Variants in KIF5A observed in about 807,000 individuals in gnomAD.
KIF5A encodes the protein kinesin family member 5A, also known as kinesin heavy chain isoform 5A.
Under a neutral mutation model 141.3 loss-of-function variants are expected in KIF5A, and 35 were observed. The ratio of observed to expected loss-of-function variants is 0.25; its 90% CI spans 0.19 to 0.33. The LOEUF (loss-of-function observed/expected upper bound fraction) is 0.33. Ranked by LOEUF, KIF5A falls within the 10% of genes least tolerant of loss-of-function variation. The probability of loss-of-function intolerance (pLI) is 1.00; values close to 1 mark genes in which losing one functional copy is unlikely to be tolerated. For missense variants in KIF5A, 861 were observed against 1,314.3 expected, an observed-to-expected ratio of 0.66 and a Z score of 5.33; for synonymous variants, 448 against 500.2, an observed-to-expected ratio of 0.90 and a Z score of 1.39.
At position 57,575,722 on chromosome 12, in the gene KIF5A, C is replaced by T. The variant is rs1396694334; in HGVS notation, c.1988C>T (p.Ser663Phe). The change falls in exon 17 of 29, where the codon TCC becomes TTC. Residue 663 changes from serine to phenylalanine, a missense_variant. Coordinates refer to ENST00000455537, the MANE Select transcript of KIF5A (RefSeq NM_004984.4). ...CGGCACCTGGAAGAGTCCTATGACT[C>T]CTTGAGCGATGAGCTGGCCAAGCTC... ...KKRHLEESYD[S>F]LSDELAKLQA... 2 of 1,614,134 alleles carry T rather than the reference C, an allele frequency of 1.2e-6. No individual in the cohort carries two copies. The highest frequency in any genetic ancestry group is 1.3e-5 in the African/African-American group (1 of 75,038).
At chr12:57,560,014 C>T (rs1163774924) in intron 1 of KIF5A, among the ~76,000 whole-genome samples, 1 of 152,184 alleles carries the variant, frequency 6.6e-6, no homozygotes, top group East Asian at 1.9e-4. Context: ...GCCTCAGCCT[C>T]CCAAGTAGCT....
intron 15 of KIF5A, among the ~76,000 whole-genome samples, chr12:57,573,007 A>G (rs1882304995): frequency 6.6e-6 from 1 of 151,988 alleles, no homozygotes; most frequent in Admixed American, 6.5e-5. Context: ...CCTCGCCAAC[A>G]TGGCGAAACC....
chr12:57,582,643 C>T lies in KIF5A; in HGVS notation c.3020+14C>T. ...CAATGACAATAGGTACAACAGTCCC[C>T]ACTACCCCTGGGTTCTCTGGGTGGG... On this transcript the variant is annotated intron_variant, in intron 27 of 28. Transcript: ENST00000455537. 1 of 1,604,104 alleles carries T rather than the reference C, an allele frequency of 6.2e-7. No individual in the cohort carries two copies. Among genetic ancestry groups the T allele is most frequent in the South Asian group, 1.1e-5 (1 of 90,842 alleles).
Position 57,569,418 on chromosome 12 carries a change from TC to T in KIF5A, c.968+18del. The T allele has an allele frequency of 1.2e-6, 2 of 1,613,026 alleles. No homozygotes were observed. Among genetic ancestry groups the T allele is most frequent in the Non-Finnish European group, 1.7e-6 (2 of 1,179,818 alleles). ...GTTTGGGCAGCGGTCAGTGGCAGGG[TC>T]CCCAGAGGGATCCCTGGTACCCAGC... On this transcript the variant is annotated intron_variant, in intron 10 of 28. Transcript: ENST00000455537.
Position 57,560,604 on chromosome 12 carries a change from C to T in KIF5A, c.130-2835C>T, listed in dbSNP as rs117428475. ...GTTTCTTTTCTTGGAAAATGTTGAACATCTTCATGATTGCTGAACATTTAT... is the reference window on the plus strand; with the variant it reads ...GTTTCTTTTCTTGGAAAATGTTGAATATCTTCATGATTGCTGAACATTTAT... On this transcript the variant is annotated intron_variant, in intron 1 of 28. Coordinates refer to ENST00000455537, the MANE Select transcript of KIF5A (RefSeq NM_004984.4). Among the ~76,000 whole-genome samples, 1,136 of 152,278 alleles carry T rather than the reference C, an allele frequency of 7.5e-3. 9 individuals are homozygous for T. The highest frequency in any genetic ancestry group is 0.013 in the Non-Finnish European group (869 of 68,024).
At chr12:57,575,394 G>C in intron 16 of KIF5A, 122 bp downstream of exon 16, 2 of 1,219,666 alleles carry the variant, frequency 1.6e-6, no homozygotes, top group South Asian at 2.6e-5. Flanking sequence ...TGAAATCAAG[G>C]ACAGAAAAGC....
At chr12:57,579,651 A>G (rs1359357790) in intron 23 of KIF5A, among the ~76,000 whole-genome samples, 1 of 152,220 alleles carries the variant, frequency 6.6e-6, no homozygotes, top group Admixed American at 6.5e-5. Flanking sequence ...GTTGAAAGGC[A>G]GATAGGAAAC....
Position 57,567,042 on chromosome 12 carries a change from G to A in KIF5A, c.502-84G>A. ...GGCAGAGCGAGACTCCATCTCAAAAGAAAATAATAATAATAAAAATAAATA... is the reference window on the plus strand; with the variant it reads ...GGCAGAGCGAGACTCCATCTCAAAAAAAAATAATAATAATAAAAATAAATA... On this transcript the variant is annotated intron_variant, in intron 6 of 28. Transcript: ENST00000455537. 3 of 709,564 alleles carry A rather than the reference G, an allele frequency of 4.2e-6. No individual in the cohort carries two copies. In the South Asian group the frequency reaches 6.3e-5, roughly 15 times the overall value. 44.0% of individuals were successfully genotyped at this position (709,564 alleles called of 1,614,324 possible).
chr12:57,556,360 G>A (rs1292194888), intron 1 of KIF5A, among the ~76,000 whole-genome samples: 6 of 151,912 alleles, frequency 3.9e-5, no homozygotes, highest in Non-Finnish European at 5.9e-5. Flanking sequence ...GGATGGTCTC[G>A]ATCTCCTGAC....
rs376614388 is a variant in KIF5A, at chr12:57,578,094, T to C, written c.2433+14T>C. The C allele has an allele frequency of 5.6e-6, 9 of 1,611,544 alleles. No individual in the cohort carries two copies. In the African/African-American group the frequency reaches 9.3e-5, roughly 17 times the overall value. ...CGAGTCAAGAAAGTGAGTGCTGTCC[T>C]TGGGGTTTTGTCAGCCCCCACATCC... On this transcript the variant is annotated intron_variant, in intron 22 of 28. Coordinates refer to ENST00000455537, the MANE Select transcript of KIF5A (RefSeq NM_004984.4).
In KIF5A at chr12:57,564,901, GC is replaced by G. The variant is rs1338269741; in HGVS notation, c.446-16del. 2.5e-6 allele frequency: 4 copies of G among 1,613,538 alleles called. No individual in the cohort carries two copies. The Admixed American group carries it at 6.7e-5, about 27-fold the overall frequency. On this transcript the variant is annotated splice_polypyrimidine_tract_variant and intron_variant, in intron 5 of 28. Transcript: ENST00000455537. ...TGGAAGTACTAGTCTTGCTTACCCTGCATTCTTTTGATTCAGTGACCAAGAC... is the reference window on the plus strand; with the variant it reads ...TGGAAGTACTAGTCTTGCTTACCCTGATTCTTTTGATTCAGTGACCAAGAC...
At chr12:57,561,118 C>T (rs1172301239) in intron 1 of KIF5A, among the ~76,000 whole-genome samples, 1 of 152,150 alleles carries the variant, frequency 6.6e-6, no homozygotes, top group Non-Finnish European at 1.5e-5. Context: ...TGGCTCACTG[C>T]AACCTCTGCC....
intron 20 of KIF5A, among the ~76,000 whole-genome samples, chr12:57,577,412 T>C (rs956835988): frequency 3.3e-5 from 5 of 152,078 alleles, no homozygotes; most frequent in African/African-American, 9.7e-5. Context: ...CTGGGCAACA[T>C]GGCAAAACCC....
Position 57,575,673 on chromosome 12 carries a change from A to T in KIF5A, c.1939A>T (p.Met647Leu). The T allele has an allele frequency of 6.2e-7, 1 of 1,614,172 alleles. No individual in the cohort carries two copies. Among genetic ancestry groups the T allele is most frequent in the Non-Finnish European group, 8.5e-7 (1 of 1,180,018 alleles). The change falls in exon 17 of 29, where the codon ATG becomes TTG. Residue 647 changes from methionine to leucine, a missense_variant. By Grantham distance (15) the Met-to-Leu change is conservative. Transcript: ENST00000455537. ...CAAGATCCGCTCGCTTACGGAATAC[A>T]TGCAGAGCGTGGAGCTAAAGAAGCG... ...EAKIRSLTEY[M>L]QSVELKKRHL... is the part of the protein sequence containing the mutation.
At position 57,564,150 on chromosome 12, in the gene KIF5A, A is replaced by G. The variant is rs762474618; in HGVS notation, c.334A>G (p.Ile112Val). The part of the protein sequence containing the change: ...DPQLMGIIPR[I>V]ARDIFNHIYS... The stretch of plus-strand genomic sequence containing the variant: ...TCAGCTGATGGGAATCATTCCTCGA[A>G]TTGCCCGAGACATCTTCAACCACAT... The change falls in exon 4 of 29, where the codon ATT becomes GTT. Residue 112 changes from isoleucine to valine, a missense_variant. Coordinates refer to ENST00000455537, the MANE Select transcript of KIF5A (RefSeq NM_004984.4). 1.9e-6 allele frequency: 3 copies of G among 1,614,104 alleles called. No individual in the cohort carries two copies. The highest frequency in any genetic ancestry group is 2.5e-6 in the Non-Finnish European group (3 of 1,179,996).
At chr12:57,570,544 G>A (rs1016306832) in intron 12 of KIF5A, among the ~76,000 whole-genome samples, 1 of 152,102 alleles carries the variant, frequency 6.6e-6, no homozygotes, top group East Asian at 1.9e-4. Context: ...GATTACAGGC[G>A]CATGCCACCA....
Position 57,563,703 on chromosome 12 carries a change from C to T in KIF5A, c.291+10C>T. 2 of 1,612,708 alleles carry T rather than the reference C, an allele frequency of 1.2e-6. No individual in the cohort carries two copies. The highest frequency in any genetic ancestry group is 1.7e-6 in the Non-Finnish European group (2 of 1,178,726). On this transcript the variant is annotated intron_variant, in intron 3 of 28. Coordinates refer to ENST00000455537, the MANE Select transcript of KIF5A (RefSeq NM_004984.4). Reference sequence around the variant, plus strand: ...AACACATACCATGGAGGTGAGGGTTCTGGCTTTGGTGGTTGAGGGGCTAGG... The same window carrying T: ...AACACATACCATGGAGGTGAGGGTTTTGGCTTTGGTGGTTGAGGGGCTAGG...
intron 1 of KIF5A, among the ~76,000 whole-genome samples, chr12:57,555,834 G>A (rs1881717806): frequency 6.7e-6 from 1 of 150,342 alleles, no homozygotes. Flanking sequence ...GCTTGAACCT[G>A]GGAGGCGAAG....
In KIF5A at chr12:57,578,227, T is replaced by C. The variant is rs1882486658; in HGVS notation, c.2434-11T>C. 2 of 1,611,236 alleles carry C rather than the reference T, an allele frequency of 1.2e-6. No homozygotes were observed. Among genetic ancestry groups the C allele is most frequent in the East Asian group, 4.5e-5 (2 of 44,868 alleles). On this transcript the variant is annotated splice_polypyrimidine_tract_variant and intron_variant, in intron 22 of 28. Transcript: ENST00000455537. ...CAGGACAGCCACGTCTTTCCTTCTA[T>C]CTGTTCTCAGAGTGCAGAAATGGAG...
Sources: allele counts gnomAD v4.1 joint callset (sites outside exome capture counted in the v4.1 genomes callset), GRCh38; gene constraint gnomAD v4.1.1; transcripts MANE v1.5; gene names NCBI Gene and HGNC (gene_info 2026-07-23, HGNC 2026-07-21).